TCF7L2: variants seen among roughly 807,000 people sequenced by gnomAD.
TCF7L2 encodes transcription factor 7-like 2.
In TCF7L2, 23 loss-of-function variants were observed where a neutral mutation model predicts 77.9. The ratio of observed to expected loss-of-function variants is 0.30; its 90% CI spans 0.21 to 0.42. TCF7L2 has a LOEUF of 0.42. Ranked by LOEUF, TCF7L2 falls within the 10% of genes least tolerant of loss-of-function variation. The pLI is 1.00. For synonymous variants in TCF7L2, 413 were observed against 340.2 expected (o/e 1.21, Z -2.36); for missense variants, 654 against 793.1 (o/e 0.82, Z 2.11).
intron 5 of TCF7L2, among the ~76,000 whole-genome samples, chr10:113,117,434 C>CACTCTCT (rs2063973185): frequency 5.0e-5 from 2 of 39,776 alleles, no homozygotes; most frequent in African/African-American, 1.5e-4. Flanking sequence ...TCTCTCTCTC[C>CACTCTCT]CTCTCTCTCT....
At chr10:112,966,737 C>A (rs2037006508) in intron 4 of TCF7L2, among the ~76,000 whole-genome samples, 1 of 152,194 alleles carries the variant, frequency 6.6e-6, no homozygotes, top group Admixed American at 6.5e-5. Flanking sequence ...AGCAGTTCGT[C>A]TTTCTCCAAA....
At chr10:113,113,432 A>G (rs2063367832) in intron 5 of TCF7L2, among the ~76,000 whole-genome samples, 1 of 152,192 alleles carries the variant, frequency 6.6e-6, no homozygotes, top group African/African-American at 2.4e-5. Flanking sequence ...GACATGAATC[A>G]CAGGGCATAG....
chr10:113,040,757 A>AT (rs1300542221), intron 5 of TCF7L2, among the ~76,000 whole-genome samples: 2 of 152,182 alleles, frequency 1.3e-5, no homozygotes, highest in Non-Finnish European at 1.5e-5. Flanking sequence ...GTCTACATAT[A>AT]TTTTTAATGT....
chr10:113,056,975 G>C (rs948708450), intron 5 of TCF7L2, among the ~76,000 whole-genome samples: 1 of 152,180 alleles, frequency 6.6e-6, no homozygotes, highest in African/African-American at 2.4e-5. Flanking sequence ...TAGGAGGCCA[G>C]TACTGAAATG....
chr10:113,059,332 G>C (rs1241204011), intron 5 of TCF7L2, among the ~76,000 whole-genome samples: 1 of 151,788 alleles, frequency 6.6e-6, no homozygotes, highest in Non-Finnish European at 1.5e-5. Context: ...CACTTGTTCA[G>C]GTCCTCCTCC....
At chr10:113,009,157 T>C (rs1018915103) in intron 4 of TCF7L2, among the ~76,000 whole-genome samples, 4 of 152,140 alleles carry the variant, frequency 2.6e-5, no homozygotes, top group Non-Finnish European at 4.4e-5. Context: ...GCCGGAAGTC[T>C]AGTTTTATAG....
intron 13 of TCF7L2, among the ~76,000 whole-genome samples, chr10:113,161,907 C>T (rs754697549): frequency 3.9e-5 from 6 of 152,102 alleles, no homozygotes; most frequent in African/African-American, 9.7e-5. Context: ...GATTTGGGGG[C>T]GAGTTGAACA....
At chr10:113,105,842 A>G (rs531308860) in intron 5 of TCF7L2, among the ~76,000 whole-genome samples, 1 of 152,250 alleles carries the variant, frequency 6.6e-6, no homozygotes, top group Non-Finnish European at 1.5e-5. Flanking sequence ...TGTTTAGAAT[A>G]GAGCAAACGG....
At chr10:113,088,480 C>T (rs193184545) in intron 5 of TCF7L2, among the ~76,000 whole-genome samples, 2 of 152,302 alleles carry the variant, frequency 1.3e-5, no homozygotes, top group East Asian at 3.9e-4. Context: ...GGGCCCCAGA[C>T]AGAGTAGGCC....
intron 8 of TCF7L2, among the ~76,000 whole-genome samples, chr10:113,147,900 A>G (rs1038756941): frequency 3.3e-5 from 5 of 152,116 alleles, no homozygotes; most frequent in Non-Finnish European, 5.9e-5. Flanking sequence ...AAGAAAGGTT[A>G]GGGCCTCAAG....
intron 3 of TCF7L2, among the ~76,000 whole-genome samples, chr10:112,954,716 C>T (rs1323731357): frequency 1.3e-5 from 2 of 152,086 alleles, no homozygotes; most frequent in African/African-American, 4.8e-5. Flanking sequence ...TTTCTTTTTC[C>T]CTCCTGGCAA....
chr10:113,035,569 CT>C (rs1356661112), intron 4 of TCF7L2, among the ~76,000 whole-genome samples: 2 of 152,172 alleles, frequency 1.3e-5, no homozygotes, highest in Non-Finnish European at 2.9e-5. Context: ...CTCCTGCTAA[CT>C]TTTTTTATTT....
At chr10:112,970,614 T>C (rs2038033214) in intron 4 of TCF7L2, among the ~76,000 whole-genome samples, 1 of 152,096 alleles carries the variant, frequency 6.6e-6, no homozygotes, top group South Asian at 2.1e-4. Context: ...GTGATGAGCA[T>C]GGCCAGAAAT....
Position 113,166,722 on chromosome 10 carries a change from C to G in TCF7L2, c.*750C>G, listed in dbSNP as rs1408928129. ...TCTTGAAACTGTATAAAGTTTTTTT[C>G]CCCCTTAGCATAAGCATCTTATATA... On this transcript the variant is annotated 3_prime_UTR_variant, in exon 14 of 14. Coordinates refer to ENST00000627217, the MANE Select transcript of TCF7L2 (RefSeq NM_001146274.2). The G allele has an allele frequency of 8.7e-6, 2 of 229,258 alleles. No individual in the cohort carries two copies. Among genetic ancestry groups the G allele is most frequent in the African/African-American group, 2.2e-5 (1 of 45,044 alleles). 14.2% of individuals were successfully genotyped at this position (229,258 alleles called of 1,614,324 possible).
intron 5 of TCF7L2, among the ~76,000 whole-genome samples, chr10:113,122,261 AGTTAATAG>A (rs1429033480): frequency 6.6e-6 from 1 of 152,202 alleles, no homozygotes; most frequent in Non-Finnish European, 1.5e-5. Flanking sequence ...TGAAACTGAG[AGTTAATAG>A]GGTTTATCTT....
At position 113,158,023 on chromosome 10, in the gene TCF7L2, A is replaced by G; in HGVS notation, c.1272A>G (p.Gly424=). 1 of 1,591,328 alleles carries G rather than the reference A, an allele frequency of 6.3e-7. No homozygotes were observed. Among genetic ancestry groups the G allele is most frequent in the Non-Finnish European group, 8.6e-7 (1 of 1,167,746 alleles). The change falls in exon 12 of 14, where the codon GGA becomes GGG. Residue 424 remains glycine, a splice_region_variant and synonymous_variant. Transcript: ENST00000627217. Reference sequence around the variant, plus strand: ...CTGTGTTTCATCTCTTCATCTAGGGAAAGAAGAAGAAGAGGAAAAGGGACA... The same window carrying G: ...CTGTGTTTCATCTCTTCATCTAGGGGAAGAAGAAGAAGAGGAAAAGGGACA...
intron 13 of TCF7L2, among the ~76,000 whole-genome samples, chr10:113,161,805 G>A (rs914981725): frequency 2.6e-5 from 4 of 152,124 alleles, no homozygotes; most frequent in African/African-American, 7.2e-5. Flanking sequence ...GAAGTGCCTC[G>A]TGTTGACCCC....
At chr10:113,068,414 G>A (rs1205332445) in intron 5 of TCF7L2, among the ~76,000 whole-genome samples, 1 of 152,218 alleles carries the variant, frequency 6.6e-6, no homozygotes, top group African/African-American at 2.4e-5. Context: ...TCGTGAGCAA[G>A]CCAGGATGCT....
chr10:112,979,426 G>T (rs754985208), intron 4 of TCF7L2, among the ~76,000 whole-genome samples: 1 of 152,154 alleles, frequency 6.6e-6, no homozygotes, highest in Non-Finnish European at 1.5e-5. Flanking sequence ...ACTTTCTGGC[G>T]TTCTCCAAGT....
Sources: gnomAD v4.1 joint callset for allele counts (sites outside exome capture counted in the v4.1 genomes callset) on GRCh38, gnomAD v4.1.1 for gene constraint, MANE v1.5 for transcripts, NCBI Gene and HGNC (gene_info 2026-07-23, HGNC 2026-07-21) for gene names.